Variants in ITGA6 observed in about 807,000 individuals in gnomAD.
The protein encoded by ITGA6 is integrin subunit alpha 6.
A neutral mutation model predicts 133.6 loss-of-function variants in ITGA6; 63 were observed. The observed-to-expected ratio is 0.47, with a 90% confidence interval of 0.38 to 0.58. The LOEUF is 0.58. ITGA6 is among the 20% of genes least tolerant of loss of function. The probability of loss-of-function intolerance (pLI) is 0.00; values close to 1 mark genes in which losing one functional copy is unlikely to be tolerated. For missense variants in ITGA6, 1,068 were observed against 1,309.4 expected (o/e 0.82, Z 2.85); for synonymous variants, 434 against 482.0 (o/e 0.90, Z 1.30).
intron 1 of ITGA6, chr2:172,465,311 T>G: frequency 1.7e-6 from 1 of 601,024 alleles, no homozygotes; most frequent in Non-Finnish European, 3.0e-6. Flanking sequence ...AGGCCTATTT[T>G]CCTCGTTTTG....
chr2:172,436,855 A>G (rs755616439), intron 1 of ITGA6, among the ~76,000 whole-genome samples: 6 of 152,212 alleles, frequency 3.9e-5, no homozygotes, highest in Non-Finnish European at 7.3e-5. Context: ...ACCATAAACA[A>G]AAAGGTGTAT....
chr2:172,452,226 A>G (rs1469099713), intron 1 of ITGA6, among the ~76,000 whole-genome samples: 1 of 152,148 alleles, frequency 6.6e-6, no homozygotes, highest in Non-Finnish European at 1.5e-5. Flanking sequence ...GTAGTTGACC[A>G]TGCGACCTGT....
chr2:172,434,773 C>G (rs1016059355), intron 1 of ITGA6, among the ~76,000 whole-genome samples: 1 of 151,960 alleles, frequency 6.6e-6, no homozygotes, highest in Non-Finnish European at 1.5e-5. Context: ...CTGAAACTTA[C>G]TTTTTTGAAA....
chr2:172,445,522 G>A (rs1340069481), intron 1 of ITGA6, among the ~76,000 whole-genome samples: 4 of 151,228 alleles, frequency 2.6e-5, no homozygotes, highest in African/African-American at 7.3e-5. Context: ...GGTGGTGGGC[G>A]CCTGTAGTCC....
intron 1 of ITGA6, among the ~76,000 whole-genome samples, chr2:172,446,051 T>C (rs1684756444): frequency 6.6e-6 from 1 of 152,214 alleles, no homozygotes; most frequent in African/African-American, 2.4e-5. Flanking sequence ...TCTTTTACTA[T>C]GGGAAAGAGG....
chr2:172,482,217 T>C (rs557215479), intron 11 of ITGA6, among the ~76,000 whole-genome samples: 1 of 152,362 alleles, frequency 6.6e-6, no homozygotes, highest in South Asian at 2.1e-4. Context: ...CAAGTGTTTA[T>C]GGATGGCCTT....
intron 1 of ITGA6, among the ~76,000 whole-genome samples, chr2:172,434,665 G>A (rs141993624): frequency 1.0e-3 from 154 of 152,168 alleles, no homozygotes; most frequent in Middle Eastern, 6.8e-3. Flanking sequence ...ACCACTAAAC[G>A]CAAGTCACAA....
chr2:172,489,373 T>C (rs757797308), intron 19 of ITGA6, 112 bp from the exon 20 acceptor site: 19 of 831,728 alleles, frequency 2.3e-5, no homozygotes, highest in African/African-American at 3.5e-5. Flanking sequence ...CCTGTGCTTT[T>C]ATTATAGGAT....
chr2:172,494,446 T>C (rs2149088249), intron 23 of ITGA6, among the ~76,000 whole-genome samples: 1 of 152,186 alleles, frequency 6.6e-6, no homozygotes, highest in East Asian at 1.9e-4. Context: ...AAGTCGAGGC[T>C]GCAGTGAGCC....
intron 13 of ITGA6, 77 bp downstream of exon 13, chr2:172,485,341 T>C: frequency 7.8e-7 from 1 of 1,275,394 alleles, no homozygotes; most frequent in Non-Finnish European, 1.1e-6. Flanking sequence ...TTGAAGGGAA[T>C]AGAACTAGTG....
At chr2:172,486,608 T>C (rs1332953360) in intron 13 of ITGA6, among the ~76,000 whole-genome samples, 1 of 152,144 alleles carries the variant, frequency 6.6e-6, no homozygotes, top group Non-Finnish European at 1.5e-5. Context: ...GTAAATCGAG[T>C]ATTATAATCG....
chr2:172,469,477 G>T, intron 4 of ITGA6, 97 bp downstream of exon 4: 1 of 1,118,478 alleles, frequency 8.9e-7, no homozygotes. Context: ...GAAGACATTC[G>T]TATATTATAA....
In ITGA6 at chr2:172,491,574, G is replaced by T; in HGVS notation, c.2988+51G>T. The T allele has an allele frequency of 8.4e-7, 1 of 1,185,108 alleles. No individual in the cohort carries two copies. 73.4% of individuals were successfully genotyped at this position (1,185,108 alleles called of 1,614,324 possible). Reference sequence around the variant, plus strand: ...GGTTCAGAACATGTCTCTTTTCCCTGTACCCCACACTCATGTCCTGAAGTC... The same window carrying T: ...GGTTCAGAACATGTCTCTTTTCCCTTTACCCCACACTCATGTCCTGAAGTC... On this transcript the variant is annotated intron_variant, in intron 23 of 25. Coordinates refer to ENST00000684293, the MANE Select transcript of ITGA6 (RefSeq NM_000210.4). The surrounding 1 kb of genome is among the most constrained non-coding windows in gnomAD (Gnocchi z 4.4).
chr2:172,487,741 T>G lies in ITGA6; in HGVS notation c.2258T>G (p.Leu753Trp). The G allele has an allele frequency of 6.2e-7, 1 of 1,612,310 alleles. No homozygotes were observed. Among genetic ancestry groups the G allele is most frequent in the East Asian group, 2.2e-5 (1 of 44,862 alleles). Residue 753 changes from leucine to tryptophan, a missense_variant, in exon 17 of 26, where the codon TTG (leucine) becomes TGG (tryptophan). Transcript: ENST00000684293. ...FKRNSNVTFY[L>W]VLSTTEVTFD... Reference sequence around the variant, plus strand: ...ATGTTTTTTTAGGTCACTTTTTATTTGGTTTTAAGTACAACTGAAGTCACC... The same window carrying G: ...ATGTTTTTTTAGGTCACTTTTTATTGGGTTTTAAGTACAACTGAAGTCACC...
Position 172,506,412 on chromosome 2 carries a change from C to A in ITGA6, c.*2344C>A, listed in dbSNP as rs2149114000. 6.6e-6 allele frequency: 1 copy of A among 152,190 alleles called. No individual in the cohort carries two copies. Among genetic ancestry groups the A allele is most frequent in the African/African-American group, 2.4e-5 (1 of 41,538 alleles). The allele number at this position is 152,190 out of a possible 1,614,324, so 9.4% of individuals were successfully genotyped here. A position where few individuals can be genotyped will look rare whatever the true frequency, so the allele number is the denominator to read the frequency against. On this transcript the variant is annotated 3_prime_UTR_variant, in exon 26 of 26. Coordinates refer to ENST00000684293, the MANE Select transcript of ITGA6 (RefSeq NM_000210.4). ...AGGTGATCCTCAAGTCTTTCATTTTCCTTCTTTATGATTAAAAGAAACCTA... is the reference window on the plus strand; with the variant it reads ...AGGTGATCCTCAAGTCTTTCATTTTACTTCTTTATGATTAAAAGAAACCTA...
chr2:172,487,493 C>G (rs1412508772), intron 15 of ITGA6, 40 bp downstream of exon 15: 1 of 1,610,570 alleles, frequency 6.2e-7, no homozygotes, highest in South Asian at 1.1e-5. Context: ...GGAAAAAAAT[C>G]AACACTGTGT....
chr2:172,488,267 C>T (rs761120015), intron 19 of ITGA6, 39 bp downstream of exon 19: 11 of 1,202,516 alleles, frequency 9.1e-6, no homozygotes, highest in Non-Finnish European at 9.9e-6. Context: ...ATACCAAAAG[C>T]TGACATATAC....
At chr2:172,478,485 T>A (rs1490178395) in intron 9 of ITGA6, among the ~76,000 whole-genome samples, 1 of 152,172 alleles carries the variant, frequency 6.6e-6, no homozygotes, top group African/African-American at 2.4e-5. Context: ...GAGGTGGGCC[T>A]CCTCACCCAC....
At chr2:172,439,054 C>T (rs1009826852) in intron 1 of ITGA6, among the ~76,000 whole-genome samples, 4 of 151,816 alleles carry the variant, frequency 2.6e-5, no homozygotes, top group South Asian at 2.1e-4. Flanking sequence ...AGAGCTCTTC[C>T]CATGTGGGTC....
Sources: allele counts gnomAD v4.1 joint callset (sites outside exome capture counted in the v4.1 genomes callset), GRCh38; gene constraint gnomAD v4.1.1; non-coding constraint Gnocchi (gnomAD v3.1); transcripts MANE v1.5; gene names NCBI Gene and HGNC (gene_info 2026-07-23, HGNC 2026-07-21).